EVC: variants seen among roughly 807,000 people sequenced by gnomAD.
EVC encodes the protein evC complex member EVC.
A neutral mutation model predicts 118.9 loss-of-function variants in EVC; 116 were observed. The ratio of observed to expected loss-of-function variants is 0.98; its 90% CI spans 0.84 to 1.14. The LOEUF (loss-of-function observed/expected upper bound fraction) is 1.14. Among genes scored for constraint, EVC ranks in the 50% most tolerant of loss-of-function variants. The pLI, the probability that EVC is intolerant of heterozygous loss-of-function variation, is 0.00. For synonymous variants in EVC, 619 were observed against 534.7 expected (o/e 1.16, Z -2.18); for missense variants, 1,401 against 1,246.4 (o/e 1.12, Z -1.87).
intron 11 of EVC, among the ~76,000 whole-genome samples, chr4:5,768,966 C>T (rs1439547980): frequency 6.6e-6 from 1 of 152,098 alleles, no homozygotes; most frequent in Non-Finnish European, 1.5e-5. Context: ...GTGCCCAGGC[C>T]CAGGCACACA....
chr4:5,809,469 G>A lies in EVC; in HGVS notation c.2689-49G>A, dbSNP rs750340069. ...TCACTCACGTGGAGAGGGATTTAGA[G>A]AAGTCAGAGGGAGGCCCAGCTGAAT... On this transcript the variant is annotated intron_variant, in intron 18 of 20. Coordinates refer to ENST00000264956, the MANE Select transcript of EVC (RefSeq NM_153717.3). 6 of 1,524,008 alleles carry A rather than the reference G, an allele frequency of 3.9e-6. No homozygotes were observed. In the South Asian group the frequency reaches 6.7e-5, roughly 17 times the overall value. 94.4% of individuals were successfully genotyped at this position (1,524,008 alleles called of 1,614,324 possible).
chr4:5,741,876 TATG>T (rs1317656938), intron 6 of EVC, 62 bp downstream of exon 6: 164 of 873,750 alleles, frequency 1.9e-4, no homozygotes, highest in East Asian at 1.7e-3. Context: ...ATATACAACT[TATG>T]ATGCAAAAAT....
At position 5,756,050 on chromosome 4, in the gene EVC, G is replaced by C. The variant is rs1731120140; in HGVS notation, c.1465-214G>C. ...TCCTGGCTTTAACAAAAGCGTGGTG[G>C]TTTGTGGTGTTTCCTGGAAATCGGA... On this transcript the variant is annotated intron_variant, in intron 10 of 20. Transcript: ENST00000264956. This position sits in a 1 kb window ranked among gnomAD's most constrained non-coding sequence, Gnocchi z 4.2. Among the ~76,000 whole-genome samples the C allele has an allele frequency of 6.6e-6, 1 of 152,184 alleles. No homozygotes were observed. The highest frequency in any genetic ancestry group is 1.5e-5 in the Non-Finnish European group (1 of 68,040).
chr4:5,721,111 C>T (rs1327506834), intron 2 of EVC, among the ~76,000 whole-genome samples: 4 of 152,126 alleles, frequency 2.6e-5, no homozygotes, highest in African/African-American at 9.7e-5. Context: ...CTCTGTGTCT[C>T]TCTTCCCCTC....
rs190726501 is a variant in EVC at position 5,805,051 on chromosome 4, G to A, written c.2561+210G>A. ...TGGCACAAATGAGTGAGCAGGTCAT[G>A]GTGTGGTGGCAGCTTCATTCCCAGG... On this transcript the variant is annotated intron_variant, in intron 17 of 20. Coordinates refer to ENST00000264956, the MANE Select transcript of EVC (RefSeq NM_153717.3). 5.9e-5 allele frequency among the ~76,000 whole-genome samples: 9 copies of A among 151,538 alleles called. No homozygotes were observed. In the East Asian group the frequency reaches 1.8e-3, roughly 30 times the overall value.
chr4:5,794,230 T>C (rs1323496239), intron 13 of EVC, among the ~76,000 whole-genome samples: 2 of 81,368 alleles, frequency 2.5e-5, no homozygotes, highest in Admixed American at 1.3e-4. Context: ...GAGAAAAATA[T>C]ATATATATTT....
At chr4:5,732,985 G>C (rs767474396) in intron 4 of EVC, among the ~76,000 whole-genome samples, 18 of 152,180 alleles carry the variant, frequency 1.2e-4, no homozygotes, top group Admixed American at 2.0e-4. Context: ...ACTCCAGCCT[G>C]GGAGACAGAG....
Position 5,797,207 on chromosome 4 carries a change from A to T in EVC, c.2072A>T (p.His691Leu). 1 of 1,611,874 alleles carries T rather than the reference A, an allele frequency of 6.2e-7. No homozygotes were observed. Among genetic ancestry groups the T allele is most frequent in the South Asian group, 1.1e-5 (1 of 90,864 alleles). Reference sequence around the variant, plus strand: ...GGGTCCTCCCAGTGCCTGGACGAGCATCAGTGGCAGCTGCTCAGGGCCCTG... The same window carrying T: ...GGGTCCTCCCAGTGCCTGGACGAGCTTCAGTGGCAGCTGCTCAGGGCCCTG... ...EQGSSQCLDE[H>L]QWQLLRALEA... The change falls in exon 14 of 21, where the codon CAT becomes CTT. Residue 691 changes from histidine (H) to leucine (L), a missense_variant. Transcript: ENST00000264956.
chr4:5,770,099 C>T (rs1371884412), intron 11 of EVC, among the ~76,000 whole-genome samples: 2 of 152,090 alleles, frequency 1.3e-5, no homozygotes, highest in Non-Finnish European at 2.9e-5. Context: ...TGGGTGTCCT[C>T]TCCTGGTGGA....
Position 5,804,777 on chromosome 4 carries a change from A to G in EVC, c.2497A>G (p.Asn833Asp), listed in dbSNP as rs754135892. The change falls in exon 17 of 21, where the codon AAC becomes GAC. Residue 833 changes from asparagine (N) to aspartate (D), a missense_variant. Physicochemically the swap from Asn to Asp is conservative, Grantham distance 23 (BLOSUM62 1). Transcript: ENST00000264956. ...ACTGCGGAAAAAGCAAGAACTCAGC[A>G]ACCCTTCGTCGGGCAGCAGGACGGC... ...YKLRKKQELS[N>D]PSSGSRTAGG... 8 of 1,614,146 alleles carry G rather than the reference A, an allele frequency of 5.0e-6. No homozygotes were observed. The Admixed American group carries it at 1.3e-4, about 27-fold the overall frequency.
intron 9 of EVC, 134 bp downstream of exon 9, chr4:5,753,186 C>A: frequency 1.1e-6 from 1 of 875,202 alleles, no homozygotes; most frequent in Non-Finnish European, 1.8e-6. Context: ...TGCTTCTGCC[C>A]TAGGGACTGG....
chr4:5,715,418 A>C (rs561588807), intron 1 of EVC, among the ~76,000 whole-genome samples: 1 of 152,304 alleles, frequency 6.6e-6, no homozygotes, highest in East Asian at 1.9e-4. Context: ...TGAGTCCAGC[A>C]AGCTGTGTTT....
chr4:5,763,161 T>A (rs1339860678), intron 11 of EVC, among the ~76,000 whole-genome samples: 14 of 105,276 alleles, frequency 1.3e-4, no homozygotes, highest in Non-Finnish European at 2.6e-4. Flanking sequence ...AAATAGGGAA[T>A]CCTTTCCCCA....
rs866447303 is a variant in EVC, at chr4:5,768,078, A to T, written c.1563+11716A>T. Among the ~76,000 whole-genome samples the T allele has an allele frequency of 4.7e-3, 712 of 152,092 alleles. 7 individuals are homozygous for T. The highest frequency in any genetic ancestry group is 0.016 in the African/African-American group (679 of 41,488). ...GCAGCATGTGTATGCTTGGCATTGC[A>T]GCAGCAGCAGCAGTGAGGCCAGTGT... On this transcript the variant is annotated intron_variant, in intron 11 of 20. Transcript: ENST00000264956.
intron 5 of EVC, among the ~76,000 whole-genome samples, chr4:5,741,086 T>A (rs980605636): frequency 6.6e-6 from 1 of 152,232 alleles, no homozygotes; most frequent in African/African-American, 2.4e-5. Flanking sequence ...GCAATTGCAT[T>A]TGTGGGCATT....
chr4:5,770,601 G>T (rs1176134873), intron 11 of EVC, among the ~76,000 whole-genome samples: 1 of 152,202 alleles, frequency 6.6e-6, no homozygotes, highest in Non-Finnish European at 1.5e-5. Context: ...TGCCCTCCTT[G>T]ATGGAAGGGT....
chr4:5,771,695 G>C (rs1481360553), intron 11 of EVC, among the ~76,000 whole-genome samples: 3 of 152,204 alleles, frequency 2.0e-5, no homozygotes, highest in Non-Finnish European at 4.4e-5. Flanking sequence ...AGAAGCCTGG[G>C]CACCACAGAC....
chr4:5,813,682 C>T lies in EVC; in HGVS notation c.*2645C>T, dbSNP rs1466005593. The T allele has an allele frequency of 6.6e-6, 1 of 152,174 alleles. No individual in the cohort carries two copies. Among genetic ancestry groups the T allele is most frequent in the Non-Finnish European group, 1.5e-5 (1 of 68,038 alleles). The allele number at this position is 152,174 out of a possible 1,614,324, so 9.4% of individuals were successfully genotyped here. On this transcript the variant is annotated 3_prime_UTR_variant, in exon 21 of 21. Transcript: ENST00000264956. ...AGCATCTGTGGAATGATCACGGGAC[C>T]CTTCTCCTCTGAGAAGGCTCCCGGC...
chr4:5,802,101 G>T lies in EVC; in HGVS notation c.2449+7G>T, dbSNP rs1215898884. 1.9e-6 allele frequency: 3 copies of T among 1,598,556 alleles called. No individual in the cohort carries two copies. Among genetic ancestry groups the T allele is most frequent in the South Asian group, 1.1e-5 (1 of 89,540 alleles). The stretch of plus-strand genomic sequence containing the variant: ...CACCTGAAGACCCTGCAGGGTACGG[G>T]ACCCCCCCTCAGGGAAGCCCCAGAA... On this transcript the variant is annotated splice_region_variant and intron_variant, in intron 16 of 20. Coordinates refer to ENST00000264956, the MANE Select transcript of EVC (RefSeq NM_153717.3).
Sources: allele counts gnomAD v4.1 joint callset (sites outside exome capture counted in the v4.1 genomes callset), GRCh38; gene constraint gnomAD v4.1.1; non-coding constraint Gnocchi (gnomAD v3.1); transcripts MANE v1.5; gene names NCBI Gene and HGNC (gene_info 2026-07-23, HGNC 2026-07-21).